Variants in PHACTR3 observed in about 807,000 individuals in gnomAD.
PHACTR3 encodes the protein phosphatase and actin regulator 3, also known as protein phosphatase 1, regulatory subunit 123.
A neutral mutation model predicts 66.8 loss-of-function variants in PHACTR3; 16 were observed. The observed-to-expected ratio is 0.24, with a 90% CI of 0.16 to 0.36. PHACTR3 has a LOEUF of 0.36. PHACTR3 is among the 10% of genes least tolerant of loss of function. PHACTR3 has a pLI of 1.00. For missense variants in PHACTR3, 647 were observed against 719.9 expected (o/e 0.90, Z 1.16); for synonymous variants, 323 against 292.1 (o/e 1.11, Z -1.08).
chr20:59,755,293 C>T lies in PHACTR3; in HGVS notation c.470C>T (p.Pro157Leu), dbSNP rs759970574. 4 of 1,613,528 alleles carry T rather than the reference C, an allele frequency of 2.5e-6. No individual in the cohort carries two copies. In the South Asian group the frequency reaches 3.3e-5, roughly 13 times the overall value. The change falls in exon 4 of 13, where the codon CCC becomes CTC. Residue 157 changes from proline (P) to leucine (L), a missense_variant. This residue lies in a region of PHACTR3 where 577 missense variants were observed against 571.1 expected (regional missense o/e 1.01). Coordinates refer to ENST00000371015, the MANE Select transcript of PHACTR3 (RefSeq NM_080672.5). ...LTSEDAQPGSPLATGTDQVSL... is the reference protein window; with the variant it reads ...LTSEDAQPGSLLATGTDQVSL... The stretch of plus-strand genomic sequence containing the variant: ...TCAGAAGATGCCCAGCCCGGAAGCC[C>T]CTTGGCCACTGGGACGGACCAGGTC...
chr20:59,622,393 G>C (rs1019005719), intron 1 of PHACTR3, among the ~76,000 whole-genome samples: 1 of 152,088 alleles, frequency 6.6e-6, no homozygotes, highest in Admixed American at 6.5e-5. Flanking sequence ...CTACTCCTGG[G>C]GTGGGTATGA....
At chr20:59,606,303 TC>T (rs5842274) in intron 1 of PHACTR3, among the ~76,000 whole-genome samples, 113,636 of 151,100 alleles carry the variant, frequency 0.75, 43,113 homozygotes, top group Non-Finnish European at 0.8. Context: ...ACTGGATCCC[TC>T]CCCCCCCCAT....
intron 1 of PHACTR3, among the ~76,000 whole-genome samples, chr20:59,740,545 C>T (rs1025649556): frequency 6.6e-6 from 1 of 152,234 alleles, no homozygotes; most frequent in Non-Finnish European, 1.5e-5. Flanking sequence ...GATCCTCTAG[C>T]CTTGGCATCC....
intron 1 of PHACTR3, among the ~76,000 whole-genome samples, chr20:59,656,386 C>T (rs1014106231): frequency 2.0e-5 from 3 of 151,368 alleles, no homozygotes; most frequent in African/African-American, 7.3e-5. Flanking sequence ...TCTTTCATCA[C>T]TGTTTCACCA....
chr20:59,746,582 A>G (rs2039381472), intron 2 of PHACTR3, among the ~76,000 whole-genome samples: 1 of 152,256 alleles, frequency 6.6e-6, no homozygotes, highest in Non-Finnish European at 1.5e-5. Context: ...CACTTGGCAC[A>G]TAGCAGGTGC....
intron 1 of PHACTR3, among the ~76,000 whole-genome samples, chr20:59,715,234 T>A (rs1012078652): frequency 6.6e-6 from 1 of 152,218 alleles, no homozygotes; most frequent in African/African-American, 2.4e-5. Context: ...GAATATTTCA[T>A]CCTTAAGTAT....
At chr20:59,705,350 C>A (rs745900371) in intron 1 of PHACTR3, among the ~76,000 whole-genome samples, 3 of 152,042 alleles carry the variant, frequency 2.0e-5, no homozygotes, top group Non-Finnish European at 2.9e-5. Flanking sequence ...AGTTTTATTT[C>A]TATGTGTTTA....
chr20:59,635,600 T>C (rs191338671), intron 1 of PHACTR3, among the ~76,000 whole-genome samples: 6 of 152,320 alleles, frequency 3.9e-5, no homozygotes, highest in Non-Finnish European at 7.3e-5. Flanking sequence ...TTGAACTTAC[T>C]CTTTTGTGTG....
At chr20:59,605,185 G>C in intron 1 of PHACTR3, 53 bp downstream of exon 1, 1 of 1,227,232 alleles carries the variant, frequency 8.1e-7, no homozygotes, top group Non-Finnish European at 1.0e-6. Flanking sequence ...GAGGCAGGTG[G>C]CGCTGAGAGC....
chr20:59,785,875 T>TGC (rs1568820698), intron 7 of PHACTR3, among the ~76,000 whole-genome samples: 10 of 41,280 alleles, frequency 2.4e-4, no homozygotes, highest in East Asian at 1.2e-3. Flanking sequence ...CTGCATCCCC[T>TGC]ACTTCATTTT....
At chr20:59,593,711 T>G (rs949081345) in intron 1 of PHACTR3, among the ~76,000 whole-genome samples, 1 of 152,214 alleles carries the variant, frequency 6.6e-6, no homozygotes, top group Non-Finnish European at 1.5e-5. Context: ...TCAGTTGCTT[T>G]TTTGCATGTG....
chr20:59,751,729 G>A (rs1366792154), intron 3 of PHACTR3, among the ~76,000 whole-genome samples: 1 of 152,096 alleles, frequency 6.6e-6, no homozygotes, highest in Non-Finnish European at 1.5e-5. Flanking sequence ...ACCTAGGAAG[G>A]ACCCTGCTGG....
intron 1 of PHACTR3, among the ~76,000 whole-genome samples, chr20:59,726,006 C>A (rs568380695): frequency 4.6e-5 from 7 of 152,296 alleles, no homozygotes; most frequent in South Asian, 2.1e-4. Context: ...CTCCGACAGG[C>A]CTTCCAGAAC....
intron 1 of PHACTR3, among the ~76,000 whole-genome samples, chr20:59,657,425 C>T (rs2035658616): frequency 1.3e-5 from 2 of 151,974 alleles, no homozygotes; most frequent in African/African-American, 4.8e-5. Context: ...ATTTGAATTA[C>T]TGTTTGGTGT....
chr20:59,714,165 G>C (rs1397427135), intron 1 of PHACTR3, among the ~76,000 whole-genome samples: 1 of 151,976 alleles, frequency 6.6e-6, no homozygotes, highest in African/African-American at 2.4e-5. Flanking sequence ...AATGTGCTTT[G>C]CCTTTACATT....
At chr20:59,661,559 T>C (rs2035806571) in intron 1 of PHACTR3, among the ~76,000 whole-genome samples, 1 of 152,176 alleles carries the variant, frequency 6.6e-6, no homozygotes, top group African/African-American at 2.4e-5. Flanking sequence ...AGGACCCCCT[T>C]TTTAGGACTT....
chr20:59,757,326 G>C (rs922540507), intron 4 of PHACTR3, among the ~76,000 whole-genome samples: 2 of 152,250 alleles, frequency 1.3e-5, no homozygotes, highest in African/African-American at 4.8e-5. Context: ...TCTCTCTCCA[G>C]ATGCTGGGTG....
intron 1 of PHACTR3, among the ~76,000 whole-genome samples, chr20:59,598,551 C>A (rs1343103): frequency 6.6e-6 from 1 of 151,884 alleles, no homozygotes; most frequent in Non-Finnish European, 1.5e-5. Context: ...TTTTTCAGGG[C>A]GACTCTAGCT....
chr20:59,686,417 C>T lies in PHACTR3; in HGVS notation c.119-56690C>T, dbSNP rs575789660. Among the ~76,000 whole-genome samples, 9 of 152,314 alleles carry T rather than the reference C, an allele frequency of 5.9e-5. No individual in the cohort carries two copies. In the South Asian group the frequency reaches 1.7e-3, roughly 28 times the overall value. On this transcript the variant is annotated intron_variant, in intron 1 of 12. Transcript: ENST00000371015. ...TAAATGAGTCAGTTATGTTTAAAGT[C>T]CTGGAACAGTGCCAATGCCCACCAC...
Sources: gnomAD v4.1 joint callset for allele counts (sites outside exome capture counted in the v4.1 genomes callset) on GRCh38, gnomAD v4.1.1 for gene constraint, gnomAD v4.1.1 regional missense constraint, MANE v1.5 for transcripts, NCBI Gene and HGNC (gene_info 2026-07-23, HGNC 2026-07-21) for gene names.